Variants in CDH20 observed in about 807,000 individuals in gnomAD.
CDH20 encodes cadherin-20.
CDH20 carries 29 observed loss-of-function variants against 74.2 expected under a neutral mutation model. The observed-to-expected ratio is 0.39, with a 90% CI of 0.29 to 0.53. CDH20 has a LOEUF of 0.53. CDH20 is among the 20% of genes least tolerant of loss of function. The pLI is 0.69. For missense variants in CDH20, 988 were observed against 1,048.3 expected (o/e 0.94, Z 0.79); for synonymous variants, 469 against 405.4 (o/e 1.16, Z -1.88).
chr18:61,449,556 G>A (rs1269622395), intron 1 of CDH20, among the ~76,000 whole-genome samples: 4 of 152,116 alleles, frequency 2.6e-5, no homozygotes, highest in Non-Finnish European at 5.9e-5. Context: ...CGAATAGGTG[G>A]TAGGGAACAT....
chr18:61,488,657 A>G (rs1402340412), intron 1 of CDH20, among the ~76,000 whole-genome samples: 1 of 152,236 alleles, frequency 6.6e-6, no homozygotes, highest in African/African-American at 2.4e-5. Flanking sequence ...GTGTCTTACA[A>G]TATACAGAAT....
intron 8 of CDH20, among the ~76,000 whole-genome samples, chr18:61,538,776 G>A (rs762251864): frequency 2.0e-5 from 3 of 151,088 alleles, no homozygotes; most frequent in Non-Finnish European, 3.0e-5. Context: ...CCGCCACCAC[G>A]CCTGGCTAAT....
intron 1 of CDH20, among the ~76,000 whole-genome samples, chr18:61,471,030 A>C (rs2144380263): frequency 6.6e-6 from 1 of 152,328 alleles, no homozygotes; most frequent in Non-Finnish European, 1.5e-5. Flanking sequence ...CCAAAGTACC[A>C]GTCAAAAGGT....
intron 1 of CDH20, among the ~76,000 whole-genome samples, chr18:61,432,271 GATTA>G (rs1913284039): frequency 7.1e-6 from 1 of 141,268 alleles, no homozygotes. Context: ...AAAACACAAA[GATTA>G]ATTATATGGT....
rs1449356386 is a variant in CDH20 at position 61,538,608 on chromosome 18, G to GTTTTTTTTTTTTTTTTTTTTTTTTTTTTT, written c.1409-411_1409-410insTTTTTTTTTTTTTTTTTTTTTTTTTTTTT. Among the ~76,000 whole-genome samples, 7 of 36,332 alleles carry GTTTTTTTTTTTTTTTTTTTTTTTTTTTTT rather than the reference G, an allele frequency of 1.9e-4. 1 individual carries two copies. Among genetic ancestry groups the GTTTTTTTTTTTTTTTTTTTTTTTTTTTTT allele is most frequent in the Admixed American group, 4.8e-4 (1 of 2,086 alleles). 23.8% of individuals were successfully genotyped at this position (36,332 alleles called of 152,430 possible). A position where few individuals can be genotyped will look rare whatever the true frequency, so the allele number is the denominator to read the frequency against. On this transcript the variant is annotated intron_variant, in intron 8 of 11. Transcript: ENST00000262717. ...TGTTTGTTTGTTTGTTTTTGTTTTT[G>GTTTTTTTTTTTTTTTTTTTTTTTTTTTTT]TTTTTGTTTTTGTTTTGTTTTTTTT...
intron 1 of CDH20, among the ~76,000 whole-genome samples, chr18:61,453,001 C>A (rs1909445111): frequency 6.6e-6 from 1 of 152,156 alleles, no homozygotes; most frequent in African/African-American, 2.4e-5. Context: ...ACAGTGAGAT[C>A]CTGACTACCC....
intron 6 of CDH20, among the ~76,000 whole-genome samples, chr18:61,525,677 G>T (rs1912371605): frequency 6.6e-6 from 1 of 151,404 alleles, no homozygotes; most frequent in Non-Finnish European, 1.5e-5. Context: ...CTAAGTAAAT[G>T]GTAAACAAGC....
chr18:61,379,432 T>C (rs201449913), intron 1 of CDH20, among the ~76,000 whole-genome samples: 1 of 152,314 alleles, frequency 6.6e-6, no homozygotes, highest in African/African-American at 2.4e-5. Flanking sequence ...CAGGATTGCA[T>C]TGACTTCTCT....
At chr18:61,448,641 T>G (rs370356540) in intron 1 of CDH20, among the ~76,000 whole-genome samples, 1 of 152,218 alleles carries the variant, frequency 6.6e-6, no homozygotes, top group Non-Finnish European at 1.5e-5. Flanking sequence ...TGGCCTTATT[T>G]GAACAAAACT....
intron 6 of CDH20, among the ~76,000 whole-genome samples, chr18:61,508,443 A>C (rs34590284): frequency 6.6e-6 from 1 of 152,188 alleles, no homozygotes; most frequent in Non-Finnish European, 1.5e-5. Flanking sequence ...AGAACAGAAC[A>C]CAATAAGTGA....
chr18:61,477,789 A>C (rs894321800), intron 1 of CDH20, among the ~76,000 whole-genome samples: 2 of 152,240 alleles, frequency 1.3e-5, no homozygotes, highest in East Asian at 3.8e-4. Context: ...TCCATATGGT[A>C]TATGAACAAC....
At chr18:61,372,845 C>T (rs1190284147) in intron 1 of CDH20, among the ~76,000 whole-genome samples, 1 of 152,032 alleles carries the variant, frequency 6.6e-6, no homozygotes, top group African/African-American at 2.4e-5. Context: ...TGTTTGCAGA[C>T]CCCTAATTTA....
intron 1 of CDH20, among the ~76,000 whole-genome samples, chr18:61,380,952 C>A (rs1911415428): frequency 6.6e-6 from 1 of 152,146 alleles, no homozygotes; most frequent in Non-Finnish European, 1.5e-5. Context: ...AGCATATAGC[C>A]ATACTTTTAG....
chr18:61,391,045 G>A (rs1393150375), intron 1 of CDH20, among the ~76,000 whole-genome samples: 2 of 152,104 alleles, frequency 1.3e-5, no homozygotes, highest in Non-Finnish European at 2.9e-5. Flanking sequence ...CTGTCAACAA[G>A]ATTAAAAGGC....
chr18:61,503,731 A>G (rs1911467341), intron 5 of CDH20, among the ~76,000 whole-genome samples: 1 of 152,198 alleles, frequency 6.6e-6, no homozygotes, highest in Admixed American at 6.5e-5. Flanking sequence ...TCCTACACAC[A>G]AGAAAAATTA....
intron 6 of CDH20, among the ~76,000 whole-genome samples, chr18:61,514,086 G>A (rs1251727491): frequency 6.6e-6 from 1 of 152,222 alleles, no homozygotes; most frequent in Non-Finnish European, 1.5e-5. Flanking sequence ...ACGATATCCT[G>A]CAGCGTGTTT....
intron 1 of CDH20, among the ~76,000 whole-genome samples, chr18:61,398,564 G>A (rs1912061553): frequency 6.6e-6 from 1 of 152,094 alleles, no homozygotes; most frequent in Non-Finnish European, 1.5e-5. Context: ...CAACAAAAAA[G>A]GAAAATGTAA....
chr18:61,445,821 G>A (rs770531632), intron 1 of CDH20, among the ~76,000 whole-genome samples: 18 of 152,176 alleles, frequency 1.2e-4, no homozygotes, highest in Non-Finnish European at 1.6e-4. Context: ...GCTCCTCTGT[G>A]CTCTGCATGG....
At chr18:61,391,021 T>C (rs879682472) in intron 1 of CDH20, among the ~76,000 whole-genome samples, 4 of 151,828 alleles carry the variant, frequency 2.6e-5, no homozygotes, top group East Asian at 1.9e-4. Context: ...CAGAACAAAG[T>C]AGAATAGGAA....
Sources: allele counts gnomAD v4.1 joint callset (sites outside exome capture counted in the v4.1 genomes callset), GRCh38; gene constraint gnomAD v4.1.1; transcripts MANE v1.5; gene names NCBI Gene and HGNC (gene_info 2026-07-23, HGNC 2026-07-21).